Variants in CNOT6L observed in about 807,000 individuals in gnomAD.
CNOT6L encodes the protein CCR4-NOT transcription complex subunit 6-like.
A neutral mutation model predicts 64.0 loss-of-function variants in CNOT6L; 7 were observed. The ratio of observed to expected loss-of-function variants is 0.11; its 90% confidence interval spans 0.06 to 0.21. CNOT6L has a LOEUF of 0.21. Ranked by LOEUF, CNOT6L falls within the 10% of genes least tolerant of loss-of-function variation. CNOT6L has a pLI of 1.00. For synonymous variants in CNOT6L, 193 were observed against 243.4 expected, an observed-to-expected ratio of 0.79 and a Z score of 1.93; for missense variants, 245 against 669.0, an observed-to-expected ratio of 0.37 and a Z score of 6.99.
chr4:77,745,129 A>G (rs571226330), intron 6 of CNOT6L, among the ~76,000 whole-genome samples: 1 of 152,222 alleles, frequency 6.6e-6, no homozygotes, highest in Non-Finnish European at 1.5e-5. Context: ...TATTTTAATA[A>G]AAAATTTAAA....
At chr4:77,796,102 C>A (rs1382756043) in intron 1 of CNOT6L, among the ~76,000 whole-genome samples, 1 of 152,020 alleles carries the variant, frequency 6.6e-6, no homozygotes, top group African/African-American at 2.4e-5. Context: ...GATGGCATCA[C>A]CCAGGTAGTA....
chr4:77,801,507 T>C (rs901906011), intron 1 of CNOT6L, among the ~76,000 whole-genome samples: 1 of 152,068 alleles, frequency 6.6e-6, no homozygotes, highest in Non-Finnish European at 1.5e-5. Context: ...ACAGTATACA[T>C]GTAACATACC....
intron 1 of CNOT6L, among the ~76,000 whole-genome samples, chr4:77,793,839 T>C (rs1236846511): frequency 6.6e-6 from 1 of 152,082 alleles, no homozygotes; most frequent in East Asian, 1.9e-4. Flanking sequence ...TTAAAAATTG[T>C]AAAACAATTT....
intron 3 of CNOT6L, among the ~76,000 whole-genome samples, chr4:77,774,054 G>A (rs1036044621): frequency 3.3e-5 from 5 of 152,098 alleles, no homozygotes; most frequent in Non-Finnish European, 7.4e-5. Flanking sequence ...TAAGATTCCT[G>A]CAAAATTTTT....
chr4:77,742,262 G>A lies in CNOT6L; in HGVS notation c.751C>T (p.Leu251=), dbSNP rs1235033513. ...TATCCACGCTCCTTCAATGCTGGCA[G>A]AAAGAGAGTGAAGTATTGCTCTGTT... ...VETEQYFTLF[L]PALKERGYDG... Residue 251 remains leucine (L), a synonymous_variant, in exon 8 of 12, where the codon CTG becomes TTG. Coordinates refer to ENST00000504123, the MANE Select transcript of CNOT6L (RefSeq NM_144571.3). 1.2e-6 allele frequency: 2 copies of A among 1,612,212 alleles called. No individual in the cohort carries two copies. Among genetic ancestry groups the A allele is most frequent in the Non-Finnish European group, 1.7e-6 (2 of 1,179,068 alleles).
chr4:77,734,156 A>T (rs558754536), intron 8 of CNOT6L, among the ~76,000 whole-genome samples: 304 of 152,244 alleles, frequency 2.0e-3, no homozygotes, highest in Middle Eastern at 0.01. Context: ...ATATATCTGA[A>T]ATGTTTTGAT....
chr4:77,755,806 G>T (rs1396090718), intron 5 of CNOT6L, among the ~76,000 whole-genome samples: 2 of 151,836 alleles, frequency 1.3e-5, no homozygotes, highest in Non-Finnish European at 2.9e-5. Context: ...CACTATGCTG[G>T]AACTTATGAT....
At chr4:77,771,626 A>T (rs1232864478) in intron 4 of CNOT6L, among the ~76,000 whole-genome samples, 1 of 152,246 alleles carries the variant, frequency 6.6e-6, no homozygotes, top group East Asian at 1.9e-4. Flanking sequence ...CTACAAAGAA[A>T]CTATAACACA....
At chr4:77,802,683 T>C (rs1242351273) in intron 1 of CNOT6L, among the ~76,000 whole-genome samples, 2 of 152,158 alleles carry the variant, frequency 1.3e-5, no homozygotes, top group African/African-American at 4.8e-5. Flanking sequence ...GCTAGAGAAT[T>C]TGAATTATTG....
chr4:77,807,276 C>CAAAAAAAAAAAAAAAAAAAAA (rs58452605), intron 1 of CNOT6L, among the ~76,000 whole-genome samples: 11 of 108,192 alleles, frequency 1.0e-4, no homozygotes, highest in African/African-American at 3.6e-4. Context: ...GACTCCATCT[C>CAAAAAAAAAAAAAAAAAAAAA]AAAAAAAAAA....
At position 77,748,866 on chromosome 4, in the gene CNOT6L, G is replaced by A. The variant is rs72864939; in HGVS notation, c.491-482C>T. 1.8e-3 allele frequency among the ~76,000 whole-genome samples: 272 copies of A among 152,178 alleles called. 2 individuals are homozygous for A. The highest frequency in any genetic ancestry group is 5.5e-3 in the African/African-American group (227 of 41,536). On this transcript the variant is annotated intron_variant, in intron 5 of 11. Coordinates refer to ENST00000504123, the MANE Select transcript of CNOT6L (RefSeq NM_144571.3). ...CTGATTTTACTCTTTTATAATGTCA[G>A]CACAAAACAAGAGATAAGGATAGAA...
Position 77,758,465 on chromosome 4 carries a change from A to G in CNOT6L, c.401-1514T>C, listed in dbSNP as rs1725817559. Among the ~76,000 whole-genome samples the G allele has an allele frequency of 2.6e-5, 4 of 152,212 alleles. No individual in the cohort carries two copies. The South Asian group carries it at 8.3e-4, about 32-fold the overall frequency. ...AAGTTAGAATACTATATGAAATTGG[A>G]GTTCTAGAAAGAAGAACAAGACTTA... On this transcript the variant is annotated intron_variant, in intron 4 of 11. Transcript: ENST00000504123.
intron 1 of CNOT6L, among the ~76,000 whole-genome samples, chr4:77,804,459 T>TA (rs2110155270): frequency 6.6e-6 from 1 of 151,794 alleles, no homozygotes; most frequent in South Asian, 2.1e-4. Context: ...GAAATACTGT[T>TA]ATATGCTACA....
At chr4:77,818,886 CCG>C in intron 1 of CNOT6L, 1 of 439,956 alleles carries the variant, frequency 2.3e-6, no homozygotes, top group South Asian at 2.0e-5. Context: ...CGGCGCGGCA[CCG>C]ACCAGCAGCT....
chr4:77,806,380 G>A (rs1429253418), intron 1 of CNOT6L, among the ~76,000 whole-genome samples: 2 of 151,602 alleles, frequency 1.3e-5, no homozygotes, highest in Non-Finnish European at 2.9e-5. Flanking sequence ...AACCAAGATC[G>A]TGCCACTGCA....
In CNOT6L at chr4:77,768,474, A is replaced by AATAAAT. The variant is rs1215170210; in HGVS notation, c.400+4606_400+4607insATTTAT. 8.8e-3 allele frequency among the ~76,000 whole-genome samples: 114 copies of AATAAAT among 12,980 alleles called. 1 individual carries two copies. The highest frequency in any genetic ancestry group is 0.031 in the Middle Eastern group (1 of 32). The allele number at this position is 12,980 out of a possible 152,430, so 8.5% of individuals were successfully genotyped here. ...AGTGAGACTCTGTCTAAAATAAATA[A>AATAAAT]ATATATATATATATATATATATATA... On this transcript the variant is annotated intron_variant, in intron 4 of 11. Transcript: ENST00000504123.
intron 1 of CNOT6L, among the ~76,000 whole-genome samples, chr4:77,808,503 C>T (rs1282293337): frequency 1.3e-5 from 2 of 150,692 alleles, no homozygotes; most frequent in Non-Finnish European, 3.0e-5. Context: ...AGAAGAGAAG[C>T]TTGCTGTCTC....
chr4:77,734,821 T>C (rs1176425053), intron 8 of CNOT6L, among the ~76,000 whole-genome samples: 1 of 152,174 alleles, frequency 6.6e-6, no homozygotes, highest in Non-Finnish European at 1.5e-5. Context: ...AGATTAAATA[T>C]CCCTGCCAGC....
chr4:77,788,977 T>G (rs1423404529), intron 1 of CNOT6L, among the ~76,000 whole-genome samples: 1 of 152,150 alleles, frequency 6.6e-6, no homozygotes, highest in East Asian at 1.9e-4. Context: ...TTTTCATAAG[T>G]AAATAAATTG....
Sources: gnomAD v4.1 joint callset for allele counts (sites outside exome capture counted in the v4.1 genomes callset) on GRCh38, gnomAD v4.1.1 for gene constraint, MANE v1.5 for transcripts, NCBI Gene and HGNC (gene_info 2026-07-23, HGNC 2026-07-21) for gene names.